The following ZNF468 variants were observed in gnomAD, a reference collection of about 807,000 sequenced individuals.
ZNF468 encodes the protein zinc finger protein ZNF468.
In ZNF468, 8 loss-of-function variants were observed where a neutral mutation model predicts 7.2. That is an observed-to-expected ratio of 1.11 (90% CI 0.65 to 2.01). The LOEUF is 2.01. Ranked by LOEUF, ZNF468 falls within the 30% of genes most tolerant of loss-of-function variation. ZNF468 has a pLI of 0.00. For synonymous variants in ZNF468, 218 were observed against 214.4 expected (o/e 1.02, Z -0.15); for missense variants, 608 against 626.5 (o/e 0.97, Z 0.31).
chr19:52,841,519 C>G lies in ZNF468; in HGVS notation c.775G>C (p.Ala259Pro), dbSNP rs368987975. 2.7e-5 allele frequency: 43 copies of G among 1,614,076 alleles called. No homozygotes were observed. Among genetic ancestry groups the G allele is most frequent in the Non-Finnish European group, 3.3e-5 (39 of 1,180,016 alleles). ...CCAGTGTGACATCTACGATGGCAGGCAAGGTATCGCTTCTGATTAAAGACC... is the reference window on the plus strand; with the variant it reads ...CCAGTGTGACATCTACGATGGCAGGGAAGGTATCGCTTCTGATTAAAGACC... ...GKVFNQKRYL[A>P]CHRRCHTGEK... Residue 259 changes from alanine (A) to proline (P), a missense_variant, in exon 4 of 4, where the codon GCC becomes CCC. Coordinates refer to ENST00000595646, the MANE Select transcript of ZNF468 (RefSeq NM_001008801.2).
intron 3 of ZNF468, among the ~76,000 whole-genome samples, chr19:52,847,740 C>G (rs1029811569): frequency 1.3e-5 from 2 of 150,626 alleles, no homozygotes; most frequent in African/African-American, 4.9e-5. Context: ...CATCCAGACA[C>G]AGTACCTTTC....
At chr19:52,842,220 T>C (rs2063310217) in intron 3 of ZNF468, 69 bp from the exon 4 acceptor site, 1 of 1,313,930 alleles carries the variant, frequency 7.6e-7, no homozygotes, top group East Asian at 2.5e-5. Flanking sequence ...AATGTGTAAA[T>C]ATCACAGAAA....
chr19:52,849,174 G>A lies in ZNF468; in HGVS notation c.55C>T (p.Gln19Ter), dbSNP rs775105054. The change falls in exon 3 of 4, where the codon CAG becomes TAG. Residue 19 changes from glutamine (Q) to a stop codon, truncating the protein, a stop_gained. Coordinates refer to ENST00000595646, the MANE Select transcript of ZNF468 (RefSeq NM_001008801.2). LOFTEE classifies it high-confidence loss of function. The part of the protein sequence containing the change: ...TFRDVAIEFS[Q>*]EEWKCLDPAQ... ...GGGTCCAGGCATTTCCACTCCTCCT[G>A]AGAGAATTCTATGGCCACGTCCCTG... The A allele has an allele frequency of 1.2e-6, 2 of 1,613,930 alleles. No homozygotes were observed. Among genetic ancestry groups the A allele is most frequent in the East Asian group, 4.5e-5 (2 of 44,852 alleles).
rs777873129 is a variant in ZNF468, at chr19:52,838,750, TAAAG to T, written c.*1971_*1974del. On this transcript the variant is annotated 3_prime_UTR_variant, in exon 4 of 4. Transcript: ENST00000595646. ...AACCAATTCCATTTGCTAAAGAACT[TAAAG>T]TAAGAAATATTTAGGAATAAACATA... 6.6e-6 allele frequency: 1 copy of T among 152,176 alleles called. No homozygotes were observed. Among genetic ancestry groups the T allele is most frequent in the African/African-American group, 2.4e-5 (1 of 41,426 alleles). 9.4% of individuals were successfully genotyped at this position (152,176 alleles called of 1,614,324 possible).
At chr19:52,843,718 C>A (rs1187828398) in intron 3 of ZNF468, among the ~76,000 whole-genome samples, 1 of 152,022 alleles carries the variant, frequency 6.6e-6, no homozygotes, top group Non-Finnish European at 1.5e-5. Context: ...AAGAAAAAAG[C>A]CAAAACTTGT....
chr19:52,840,951 A>G lies in ZNF468; in HGVS notation c.1343T>C (p.Phe448Ser). The G allele has an allele frequency of 6.2e-7, 1 of 1,614,042 alleles. No homozygotes were observed. Among genetic ancestry groups the G allele is most frequent in the Non-Finnish European group, 8.5e-7 (1 of 1,179,964 alleles). Residue 448 changes from phenylalanine (F) to serine (S), a missense_variant, in exon 4 of 4, where the codon TTC (phenylalanine) becomes TCC (serine). Physicochemically the swap from Phe to Ser is radical, Grantham distance 155. Coordinates refer to ENST00000595646, the MANE Select transcript of ZNF468 (RefSeq NM_001008801.2). ...TTGTGCCAGGTGTGAATCCCTCTGG[A>G]AAGCCTTGTCACAAACCTTACATTT... ...PYKCKVCDKA[F>S]QRDSHLAQHQ...
At chr19:52,848,013 C>T (rs7256165) in intron 3 of ZNF468, among the ~76,000 whole-genome samples, 80,286 of 152,028 alleles carry the variant, frequency 0.53, 22,867 homozygotes, top group African/African-American at 0.74. Flanking sequence ...ACGAGAAATA[C>T]CCACAGGTAT....
chr19:52,850,864 A>AGT (rs1568681942), intron 2 of ZNF468, among the ~76,000 whole-genome samples: 2 of 151,850 alleles, frequency 1.3e-5, no homozygotes, highest in Admixed American at 6.6e-5. Context: ...GCGCCACTGC[A>AGT]CTCCAGCCTG....
At chr19:52,853,785 A>G (rs2063411253) in intron 2 of ZNF468, 16 of 1,015,036 alleles carry the variant, frequency 1.6e-5, no homozygotes, top group Non-Finnish European at 2.0e-5. Flanking sequence ...AGTCAGAAAC[A>G]CAGTAACTCA....
In ZNF468 at chr19:52,841,929, C is replaced by T; in HGVS notation, c.365G>A (p.Ser122Asn). Residue 122 changes from serine (S) to asparagine (N), a missense_variant, in exon 4 of 4, where the codon AGT (serine) becomes AAT (asparagine). Transcript: ENST00000595646. ...PMTEIKELAG[S>N]TGQHDQRHAG... The stretch of plus-strand genomic sequence containing the variant: ...ATGCCTTTGATCATGTTGGCCTGTA[C>T]TACCAGCCAACTCTTTGATTTCTGT... 2 of 1,613,924 alleles carry T rather than the reference C, an allele frequency of 1.2e-6. No homozygotes were observed. The highest frequency in any genetic ancestry group is 1.7e-5 in the Admixed American group (1 of 59,992).
chr19:52,852,756 C>A (rs1201209533), intron 2 of ZNF468, among the ~76,000 whole-genome samples: 1 of 151,972 alleles, frequency 6.6e-6, no homozygotes, highest in Admixed American at 6.6e-5. Flanking sequence ...ATAATTGGTA[C>A]AACAAACTCC....
In ZNF468 at chr19:52,854,237, C is replaced by A. The variant is rs564889711; in HGVS notation, c.15+21G>T. 13 of 1,613,728 alleles carry A rather than the reference C, an allele frequency of 8.1e-6. No homozygotes were observed. The Admixed American group carries it at 1.8e-4, about 23-fold the overall frequency. ...TCTGAAAGGAAGGAGACAGAACAAT[C>A]CACCGAGGATATCATCTCACCTGAG... On this transcript the variant is annotated intron_variant, in intron 2 of 3. Coordinates refer to ENST00000595646, the MANE Select transcript of ZNF468 (RefSeq NM_001008801.2).
At chr19:52,857,326 GA>G (rs1486967933) in intron 1 of ZNF468, among the ~76,000 whole-genome samples, 1 of 152,212 alleles carries the variant, frequency 6.6e-6, no homozygotes, top group Non-Finnish European at 1.5e-5. Context: ...TTTTGAGCAG[GA>G]AAACTACGCG....
rs778070057 is a variant in ZNF468, at chr19:52,854,241, C to T, written c.15+17G>A. 5.0e-6 allele frequency: 8 copies of T among 1,613,704 alleles called. No homozygotes were observed. Among genetic ancestry groups the T allele is most frequent in the African/African-American group, 2.7e-5 (2 of 74,892 alleles). ...AAAGGAAGGAGACAGAACAATCCAC[C>T]GAGGATATCATCTCACCTGAGGAAG... On this transcript the variant is annotated intron_variant, in intron 2 of 3. Coordinates refer to ENST00000595646, the MANE Select transcript of ZNF468 (RefSeq NM_001008801.2).
In ZNF468 at chr19:52,841,579, C is replaced by T; in HGVS notation, c.715G>A (p.Glu239Lys). Reference protein sequence around the residue: ...LLKKHQIIHLEEKQCKCDVCG... With the variant: ...LLKKHQIIHLKEKQCKCDVCG... ...ACATCACATTTACATTGTTTCTCTT[C>T]TAAGTGAATTATCTGATGTTTTTTT... Residue 239 changes from glutamate to lysine, a missense_variant, in exon 4 of 4, where the codon GAA (glutamate) becomes AAA (lysine). Physicochemically the swap from Glu to Lys is moderately conservative, Grantham distance 56. Coordinates refer to ENST00000595646, the MANE Select transcript of ZNF468 (RefSeq NM_001008801.2). 6.2e-7 allele frequency: 1 copy of T among 1,614,038 alleles called. No homozygotes were observed. The highest frequency in any genetic ancestry group is 1.1e-5 in the South Asian group (1 of 91,058).
rs1255359195 is a variant in ZNF468, at chr19:52,838,187, AG to A, written c.*2537del. 1.3e-5 allele frequency: 2 copies of A among 152,228 alleles called. No homozygotes were observed. Among genetic ancestry groups the A allele is most frequent in the African/African-American group, 2.4e-5 (1 of 41,458 alleles). The allele number at this position is 152,228 out of a possible 1,614,324, so 9.4% of individuals were successfully genotyped here. A position where few individuals can be genotyped will look rare whatever the true frequency, so the allele number is the denominator to read the frequency against. Reference sequence around the variant, plus strand: ...AAGTGCCACTTATTTCTGGGATGCAAGGATGGTTCAACATAGTCAAGCAAAT... The same window carrying A: ...AAGTGCCACTTATTTCTGGGATGCAAGATGGTTCAACATAGTCAAGCAAAT... On this transcript the variant is annotated 3_prime_UTR_variant, in exon 4 of 4. Transcript: ENST00000595646.
At chr19:52,854,962 G>A (rs1363656272) in intron 1 of ZNF468, among the ~76,000 whole-genome samples, 1 of 151,948 alleles carries the variant, frequency 6.6e-6, no homozygotes, top group Non-Finnish European at 1.5e-5. Flanking sequence ...ACCCGAGATC[G>A]CGCCACTGCA....
intron 2 of ZNF468, among the ~76,000 whole-genome samples, chr19:52,852,181 C>A (rs971284338): frequency 1.3e-5 from 2 of 151,664 alleles, no homozygotes; most frequent in Non-Finnish European, 2.9e-5. Context: ...GCCTGGCCAA[C>A]ATGGTGAAAC....
chr19:52,853,014 C>T (rs1440693455), intron 2 of ZNF468, among the ~76,000 whole-genome samples: 1 of 151,586 alleles, frequency 6.6e-6, no homozygotes, highest in African/African-American at 2.4e-5. Context: ...ACCACCACAC[C>T]CGGCTAATTT....
Sources: allele counts gnomAD v4.1 joint callset (sites outside exome capture counted in the v4.1 genomes callset), GRCh38; gene constraint gnomAD v4.1.1; transcripts MANE v1.5; gene names NCBI Gene and HGNC (gene_info 2026-07-23, HGNC 2026-07-21).